Variants in NTM observed in about 807,000 individuals in gnomAD.
The protein encoded by NTM is neurotrimin.
In NTM, 13 loss-of-function variants were observed where a neutral mutation model predicts 42.1. The observed-to-expected ratio is 0.31, with a 90% CI of 0.20 to 0.49. The LOEUF (loss-of-function observed/expected upper bound fraction) is 0.49, where lower values mean the gene tolerates loss of function less well. NTM is among the 20% of genes least tolerant of loss of function. NTM has a pLI of 0.99. For missense variants in NTM, 373 were observed against 452.8 expected (o/e 0.82, Z 1.60); for synonymous variants, 187 against 179.2 (o/e 1.04, Z -0.35).
intron 2 of NTM, among the ~76,000 whole-genome samples, chr11:132,132,095 G>T (rs185779496): frequency 1.3e-5 from 2 of 148,734 alleles, no homozygotes; most frequent in South Asian, 4.2e-4. Context: ...ACCAGCTGAT[G>T]CAGTTCAAGT....
At chr11:131,957,037 G>A (rs561060659) in intron 2 of NTM, among the ~76,000 whole-genome samples, 2 of 152,180 alleles carry the variant, frequency 1.3e-5, no homozygotes, top group Admixed American at 1.3e-4. Flanking sequence ...GTTTAGATGG[G>A]GGAATATCAT....
intron 3 of NTM, among the ~76,000 whole-genome samples, chr11:132,147,214 T>TGA (rs113704092): frequency 0.016 from 1,924 of 122,750 alleles, 108 homozygotes; most frequent in Admixed American, 0.088. Flanking sequence ...TGTGTGTGTG[T>TGA]GAGAGAGAGA....
At chr11:132,279,694 C>T (rs913344946) in intron 4 of NTM, among the ~76,000 whole-genome samples, 1 of 152,058 alleles carries the variant, frequency 6.6e-6, no homozygotes, top group Non-Finnish European at 1.5e-5. Flanking sequence ...AGCTTAAGTG[C>T]TACCTCTTCT....
At chr11:131,578,464 C>T (rs534360858) in intron 1 of NTM, among the ~76,000 whole-genome samples, 3 of 152,210 alleles carry the variant, frequency 2.0e-5, no homozygotes, top group Non-Finnish European at 4.4e-5. Flanking sequence ...CAGGGGAGAG[C>T]TGCAGGGAAG....
chr11:132,073,290 C>T (rs2057941711), intron 2 of NTM, among the ~76,000 whole-genome samples: 1 of 152,112 alleles, frequency 6.6e-6, no homozygotes, highest in Admixed American at 6.5e-5. Context: ...TTCTCTGGAC[C>T]TCAGTTTATC....
chr11:131,508,893 G>C (rs1164678990), intron 1 of NTM, among the ~76,000 whole-genome samples: 1 of 145,792 alleles, frequency 6.9e-6, no homozygotes, highest in East Asian at 2.1e-4. Context: ...TGTGGGGTTG[G>C]GGGAGGGGGG....
intron 2 of NTM, among the ~76,000 whole-genome samples, chr11:132,010,134 A>G (rs2071794898): frequency 6.6e-6 from 1 of 152,228 alleles, no homozygotes. Flanking sequence ...TGTTCATGTA[A>G]TACCTCAGCA....
chr11:131,750,348 G>C (rs2082331209), intron 1 of NTM, among the ~76,000 whole-genome samples: 1 of 152,176 alleles, frequency 6.6e-6, no homozygotes, highest in Non-Finnish European at 1.5e-5. Flanking sequence ...ACATACCCAT[G>C]TGTTTTCATT....
At chr11:132,007,026 A>G (rs931495786) in intron 2 of NTM, among the ~76,000 whole-genome samples, 2 of 152,282 alleles carry the variant, frequency 1.3e-5, no homozygotes, top group Admixed American at 6.5e-5. Context: ...TTCCTCTGTC[A>G]TGACATCCAG....
chr11:131,900,933 A>T (rs1381733608), intron 1 of NTM, among the ~76,000 whole-genome samples: 1 of 152,124 alleles, frequency 6.6e-6, no homozygotes, highest in Non-Finnish European at 1.5e-5. Context: ...TTTGGCAAAA[A>T]TTCCTGATAC....
At chr11:131,665,949 A>G (rs2068967402) in intron 1 of NTM, among the ~76,000 whole-genome samples, 1 of 152,246 alleles carries the variant, frequency 6.6e-6, no homozygotes, top group African/African-American at 2.4e-5. Flanking sequence ...AAATATTTTA[A>G]GACACGCATT....
At chr11:132,138,596 A>ATCTATCTG (rs2068441683) in intron 2 of NTM, among the ~76,000 whole-genome samples, 1 of 74,462 alleles carries the variant, frequency 1.3e-5, no homozygotes, top group African/African-American at 3.8e-5. Context: ...CTATCTATCT[A>ATCTATCTG]TCTATCTATC....
At chr11:131,466,605 G>A (rs923887810) in intron 1 of NTM, among the ~76,000 whole-genome samples, 1 of 152,086 alleles carries the variant, frequency 6.6e-6, no homozygotes, top group Non-Finnish European at 1.5e-5. Context: ...TCTCTCCCTA[G>A]CATGTTATGC....
intron 1 of NTM, among the ~76,000 whole-genome samples, chr11:131,377,426 G>T (rs938367995): frequency 6.6e-6 from 1 of 152,126 alleles, no homozygotes; most frequent in African/African-American, 2.4e-5. Context: ...AAGATAAAAG[G>T]AGAATACCAG....
At chr11:132,058,805 G>A (rs1451716362) in intron 2 of NTM, among the ~76,000 whole-genome samples, 1 of 152,168 alleles carries the variant, frequency 6.6e-6, no homozygotes, top group African/African-American at 2.4e-5. Flanking sequence ...GAATCCTCTT[G>A]TTTGAACCTT....
At chr11:132,248,176 C>A (rs1212885263) in intron 4 of NTM, among the ~76,000 whole-genome samples, 1 of 152,198 alleles carries the variant, frequency 6.6e-6, no homozygotes, top group Non-Finnish European at 1.5e-5. Flanking sequence ...GTGTCCCATT[C>A]TCAGGGAGGG....
chr11:131,937,724 A>C (rs1282811687), intron 2 of NTM, among the ~76,000 whole-genome samples: 1 of 152,192 alleles, frequency 6.6e-6, no homozygotes, highest in Non-Finnish European at 1.5e-5. Flanking sequence ...GCGATAAATT[A>C]TAATTTTTTA....
chr11:131,731,216 G>T (rs2135486165), intron 1 of NTM, among the ~76,000 whole-genome samples: 1 of 152,190 alleles, frequency 6.6e-6, no homozygotes, highest in East Asian at 1.9e-4. Context: ...CTCTAATTTT[G>T]CTCTACTTAG....
chr11:131,963,348 T>A (rs2062440272), intron 2 of NTM, among the ~76,000 whole-genome samples: 1 of 152,210 alleles, frequency 6.6e-6, no homozygotes, highest in Admixed American at 6.5e-5. Flanking sequence ...TATAATGGAC[T>A]GCAAGTAAAC....
Sources: gnomAD v4.1 joint callset for allele counts (sites outside exome capture counted in the v4.1 genomes callset) on GRCh38, gnomAD v4.1.1 for gene constraint, MANE v1.5 for transcripts, NCBI Gene and HGNC (gene_info 2026-07-23, HGNC 2026-07-21) for gene names.